Variants in DNAH11 observed in about 807,000 individuals in gnomAD.
The protein encoded by DNAH11 is dynein axonemal heavy chain 11, also known as axonemal beta dynein heavy chain 11.
In DNAH11, 442 loss-of-function variants were observed where a neutral mutation model predicts 526.0. That is an observed-to-expected ratio of 0.84 (90% CI 0.78 to 0.91). The LOEUF (loss-of-function observed/expected upper bound fraction) is 0.91. DNAH11 is among the 40% of genes least tolerant of loss of function. The pLI, the probability that DNAH11 is intolerant of heterozygous loss-of-function variation, is 0.00. For synonymous variants in DNAH11, 2,461 were observed against 1,935.9 expected (o/e 1.27, Z -7.12); for missense variants, 6,989 against 5,448.7 (o/e 1.28, Z -8.90).
intron 58 of DNAH11, 43 bp from the exon 59 acceptor site, chr7:21,786,581 G>A (rs2072093): frequency 5.1e-6 from 8 of 1,563,792 alleles, no homozygotes; most frequent in South Asian, 3.6e-5. Context: ...CCAGACTTCC[G>A]CTAATCCTGT....
intron 65 of DNAH11, among the ~76,000 whole-genome samples, chr7:21,839,449 C>T (rs1370554081): frequency 1.3e-5 from 2 of 151,758 alleles, no homozygotes; most frequent in African/African-American, 4.8e-5. Flanking sequence ...GTGGTGGGCG[C>T]CTGTAGTCCC....
intron 25 of DNAH11, among the ~76,000 whole-genome samples, chr7:21,632,913 A>C (rs1786683115): frequency 6.6e-6 from 1 of 152,212 alleles, no homozygotes; most frequent in Non-Finnish European, 1.5e-5. Flanking sequence ...GCTGCTGATA[A>C]AGACATACCC....
At chr7:21,715,155 C>G (rs916615436) in intron 42 of DNAH11, among the ~76,000 whole-genome samples, 1 of 152,226 alleles carries the variant, frequency 6.6e-6, no homozygotes, top group Non-Finnish European at 1.5e-5. Flanking sequence ...TGACAGAGAA[C>G]TTGAAGCTTG....
chr7:21,608,569 G>A (rs1785393900), intron 20 of DNAH11, among the ~76,000 whole-genome samples: 1 of 152,284 alleles, frequency 6.6e-6, no homozygotes, highest in South Asian at 2.1e-4. Flanking sequence ...ATAGCATCAT[G>A]TTGCCTCTTT....
At position 21,820,932 on chromosome 7, in the gene DNAH11, C is replaced by T. The variant is rs529791618; in HGVS notation, c.10691+2593C>T. Among the ~76,000 whole-genome samples, 12 of 152,194 alleles carry T rather than the reference C, an allele frequency of 7.9e-5. No individual in the cohort carries two copies. In the South Asian group the frequency reaches 8.3e-4, roughly 11 times the overall value. On this transcript the variant is annotated intron_variant, in intron 65 of 81. Coordinates refer to ENST00000409508, the MANE Select transcript of DNAH11 (RefSeq NM_001277115.2). ...TTTCTGAAAGTATTGACTGAAGGGG[C>T]GTGGACCTAGAGTCAGAGTCTAGTT...
rs556406409 is a variant in DNAH11, at chr7:21,566,927, A to T, written c.1194+2530A>T. ...TAACTTCTTGAAAGATTATTTTGTT[A>T]TTGCTGTATATGTAAGTTGCTTCCA... is the stretch of plus-strand genomic sequence containing the variant. On this transcript the variant is annotated intron_variant, in intron 6 of 81. Coordinates refer to ENST00000409508, the MANE Select transcript of DNAH11 (RefSeq NM_001277115.2). 5.9e-5 allele frequency among the ~76,000 whole-genome samples: 9 copies of T among 152,236 alleles called. No homozygotes were observed. The East Asian group carries it at 9.6e-4, about 16-fold the overall frequency.
intron 36 of DNAH11, among the ~76,000 whole-genome samples, chr7:21,701,010 T>C (rs1051926536): frequency 1.3e-5 from 2 of 152,004 alleles, no homozygotes; most frequent in African/African-American, 4.8e-5. Context: ...CTAATGTAGA[T>C]AACAGGTTGA....
Position 21,900,058 on chromosome 7 carries a change from C to A in DNAH11, c.13241C>A (p.Thr4414Lys). 6.2e-7 allele frequency: 1 copy of A among 1,613,892 alleles called. No individual in the cohort carries two copies. Among genetic ancestry groups the A allele is most frequent in the South Asian group, 1.1e-5 (1 of 91,074 alleles). The change falls in exon 81 of 82, where the codon ACA (threonine) becomes AAA (lysine). Residue 4414 changes from threonine (T) to lysine (K), a missense_variant. Transcript: ENST00000409508. ...TTGACTGCTGATGTTACCAAAAAAACAAAGGAAGATTATGGACACCCGCCA... is the reference window on the plus strand; with the variant it reads ...TTGACTGCTGATGTTACCAAAAAAAAAAAGGAAGATTATGGACACCCGCCA... ...TRLTADVTKKTKEDYGHPPRE... is the reference protein window; with the variant it reads ...TRLTADVTKKKKEDYGHPPRE...
chr7:21,837,701 A>C (rs1490420835), intron 65 of DNAH11, among the ~76,000 whole-genome samples: 1 of 152,166 alleles, frequency 6.6e-6, no homozygotes, highest in Non-Finnish European at 1.5e-5. Context: ...CTATATTACC[A>C]TTTGACCACT....
chr7:21,807,228 G>A (rs555542025), intron 62 of DNAH11, among the ~76,000 whole-genome samples: 7 of 152,198 alleles, frequency 4.6e-5, no homozygotes, highest in Non-Finnish European at 1.0e-4. Flanking sequence ...GCCAGGTGCG[G>A]TGGCTCACGC....
chr7:21,584,291 A>G (rs972133705), intron 9 of DNAH11, among the ~76,000 whole-genome samples: 1 of 152,188 alleles, frequency 6.6e-6, no homozygotes, highest in African/African-American at 2.4e-5. Flanking sequence ...ACATGGATGA[A>G]GCTGGAAACC....
chr7:21,745,166 T>A, intron 51 of DNAH11, 103 bp downstream of exon 51: 6 of 1,152,754 alleles, frequency 5.2e-6, no homozygotes, highest in Non-Finnish European at 7.2e-6. Flanking sequence ...GAACCATCAG[T>A]TCTTATCTGC....
At position 21,894,779 on chromosome 7, in the gene DNAH11, C is replaced by CT; in HGVS notation, c.12909dup (p.Glu4304Ter). The CT allele has an allele frequency of 6.2e-7, 1 of 1,610,738 alleles. No homozygotes were observed. The highest frequency in any genetic ancestry group is 8.5e-7 in the Non-Finnish European group (1 of 1,178,104). ...TCTCATTCGGGAAATACGTATATCACTTGAACAACTGGACCTTAGTTTGAA... is the reference window on the plus strand; with the variant it reads ...TCTCATTCGGGAAATACGTATATCACTTTGAACAACTGGACCTTAGTTTGAA... On this transcript the variant is annotated frameshift_variant, in exon 78 of 82. Transcript: ENST00000409508. LOFTEE classifies it high-confidence loss of function.
intron 68 of DNAH11, among the ~76,000 whole-genome samples, chr7:21,854,813 G>C (rs1282871830): frequency 6.6e-6 from 1 of 152,066 alleles, no homozygotes; most frequent in Admixed American, 6.6e-5. Flanking sequence ...AGAGTGCTGA[G>C]AGTACAGGCG....
chr7:21,851,979 C>G (rs1277030970), intron 66 of DNAH11, among the ~76,000 whole-genome samples: 3 of 152,116 alleles, frequency 2.0e-5, no homozygotes, highest in Non-Finnish European at 4.4e-5. Context: ...TGGAGTGCAA[C>G]TAGATCTTAA....
At chr7:21,551,848 T>G (rs1199321009) in intron 2 of DNAH11, among the ~76,000 whole-genome samples, 1 of 148,000 alleles carries the variant, frequency 6.8e-6, no homozygotes, top group Non-Finnish European at 1.5e-5. Context: ...TAGGCAAATA[T>G]TTGTTGTTAT....
At chr7:21,771,843 G>T (rs1018458020) in intron 55 of DNAH11, among the ~76,000 whole-genome samples, 1 of 134,016 alleles carries the variant, frequency 7.5e-6, no homozygotes, top group Non-Finnish European at 1.8e-5. Flanking sequence ...CTCCCCCAAC[G>T]CCCCCCACAA....
chr7:21,592,438 A>G (rs1167862184), intron 14 of DNAH11, among the ~76,000 whole-genome samples: 1 of 152,164 alleles, frequency 6.6e-6, no homozygotes, highest in Non-Finnish European at 1.5e-5. Context: ...CAGTCAGCAA[A>G]CTGAGATCAG....
At chr7:21,682,252 C>A (rs749504807) in intron 31 of DNAH11, among the ~76,000 whole-genome samples, 120 of 152,150 alleles carry the variant, frequency 7.9e-4, no homozygotes, top group Non-Finnish European at 7.1e-4. Flanking sequence ...GTCGGCCGGG[C>A]ATGGTGGCTC....
Sources: gnomAD v4.1 joint callset for allele counts (sites outside exome capture counted in the v4.1 genomes callset) on GRCh38, gnomAD v4.1.1 for gene constraint, MANE v1.5 for transcripts, NCBI Gene and HGNC (gene_info 2026-07-23, HGNC 2026-07-21) for gene names.